STAM2: variants seen among roughly 807,000 people sequenced by gnomAD.
The protein encoded by STAM2 is signal transducing adaptor molecule 2.
A neutral mutation model predicts 65.6 loss-of-function variants in STAM2; 51 were observed. The observed-to-expected ratio is 0.78, with a 90% CI of 0.62 to 0.98. The LOEUF (loss-of-function observed/expected upper bound fraction) is 0.98, where lower values mean the gene tolerates loss of function less well. STAM2 is among the 50% of genes least tolerant of loss of function. STAM2 has a pLI of 0.00. For missense variants in STAM2, 584 were observed against 617.8 expected (o/e 0.95, Z 0.58); for synonymous variants, 198 against 208.4 (o/e 0.95, Z 0.43).
chr2:152,161,255 A>T (rs1447786524), intron 1 of STAM2, among the ~76,000 whole-genome samples: 1 of 151,264 alleles, frequency 6.6e-6, no homozygotes, highest in Non-Finnish European at 1.5e-5. Context: ...GAATGGATTA[A>T]GGGCGGTGCA....
intron 1 of STAM2, among the ~76,000 whole-genome samples, chr2:152,164,363 T>C (rs1437574397): frequency 5.3e-5 from 8 of 151,250 alleles, no homozygotes; most frequent in Non-Finnish European, 1.0e-4. Flanking sequence ...TTTTTTGAGA[T>C]GCAGTTTCAC....
rs1009323961 is a variant in STAM2, at chr2:152,117,375, T to C, written c.*3199A>G. On this transcript the variant is annotated 3_prime_UTR_variant, in exon 14 of 14. Transcript: ENST00000263904. ...GGGTCTTGCCATGTTGCCAGGTTGG[T>C]CTCAAACTCCTAGCCTCAAGCAATA... 6.6e-6 allele frequency: 1 copy of C among 152,056 alleles called. No homozygotes were observed. The highest frequency in any genetic ancestry group is 1.5e-5 in the Non-Finnish European group (1 of 68,022). 9.4% of individuals were successfully genotyped at this position (152,056 alleles called of 1,614,324 possible). A position where few individuals can be genotyped will look rare whatever the true frequency, so the allele number is the denominator to read the frequency against.
chr2:152,147,496 A>G (rs1689357485), intron 4 of STAM2, among the ~76,000 whole-genome samples, 188 bp from the exon 5 acceptor site: 1 of 152,220 alleles, frequency 6.6e-6, no homozygotes, highest in Admixed American at 6.5e-5. Flanking sequence ...TAGTTGTTTC[A>G]TACAAAATGA....
intron 1 of STAM2, among the ~76,000 whole-genome samples, chr2:152,169,974 A>G (rs1689870212): frequency 6.6e-6 from 1 of 151,756 alleles, no homozygotes; most frequent in African/African-American, 2.4e-5. Context: ...AGTAGCTGAG[A>G]TGACAGGCAT....
intron 7 of STAM2, 32 bp from the exon 8 acceptor site, chr2:152,135,635 TC>T: frequency 7.1e-7 from 1 of 1,404,004 alleles, no homozygotes; most frequent in Non-Finnish European, 1.0e-6. Flanking sequence ...TATCATTTGT[TC>T]CCCACATTTT....
rs1461737958 is a variant in STAM2 at position 152,119,062 on chromosome 2, T to A, written c.*1512A>T. 6.6e-6 allele frequency: 1 copy of A among 152,186 alleles called. No individual in the cohort carries two copies. The highest frequency in any genetic ancestry group is 1.5e-5 in the Non-Finnish European group (1 of 68,008). The allele number at this position is 152,186 out of a possible 1,614,324, so 9.4% of individuals were successfully genotyped here. On this transcript the variant is annotated 3_prime_UTR_variant, in exon 14 of 14. Transcript: ENST00000263904. Reference sequence around the variant, plus strand: ...GAGAACTAGCTTGAAATGGATTTAGTAGAAAGAATGACTGCTTCCTTTAAA... The same window carrying A: ...GAGAACTAGCTTGAAATGGATTTAGAAGAAAGAATGACTGCTTCCTTTAAA...
At chr2:152,136,763 G>T (rs1689163012) in intron 7 of STAM2, among the ~76,000 whole-genome samples, 1 of 152,102 alleles carries the variant, frequency 6.6e-6, no homozygotes, top group South Asian at 2.1e-4. Context: ...CATTTAGGTT[G>T]ATTCCAGTCT....
At chr2:152,138,984 A>T (rs1365530003) in intron 7 of STAM2, among the ~76,000 whole-genome samples, 2 of 152,162 alleles carry the variant, frequency 1.3e-5, no homozygotes, top group South Asian at 2.1e-4. Context: ...CACTACTACA[A>T]ACTCTTTGAT....
At chr2:152,162,463 C>A (rs1689699803) in intron 1 of STAM2, among the ~76,000 whole-genome samples, 1 of 152,054 alleles carries the variant, frequency 6.6e-6, no homozygotes, top group Non-Finnish European at 1.5e-5. Context: ...ACCTGTAGTT[C>A]TAGGTACTCA....
intron 7 of STAM2, among the ~76,000 whole-genome samples, chr2:152,139,402 C>T (rs1016834415): frequency 2.0e-5 from 3 of 152,134 alleles, no homozygotes; most frequent in African/African-American, 7.2e-5. Flanking sequence ...ACCATTTGTG[C>T]CCTCAAGAAG....
chr2:152,135,902 C>T (rs757078575), intron 7 of STAM2, among the ~76,000 whole-genome samples: 1 of 151,870 alleles, frequency 6.6e-6, no homozygotes, highest in East Asian at 1.9e-4. Context: ...TCAGCCTGTC[C>T]AACATGGTGA....
rs1688963565 is a variant in STAM2, at chr2:152,126,323, T to C, written c.1082A>G (p.Tyr361Cys). Residue 361 changes from tyrosine (Y) to cysteine (C), a missense_variant, in exon 12 of 14, where the codon TAT becomes TGT. Coordinates refer to ENST00000263904, the MANE Select transcript of STAM2 (RefSeq NM_005843.6). ...NVKVLEALEL[Y>C]NKLVNEAPVY... ...TGGTGCTTCATTCACCAATTTGTTA[T>C]ATAGTTCCAGAGCTTCCAGGACTTT... 11 of 1,605,284 alleles carry C rather than the reference T, an allele frequency of 6.9e-6. No homozygotes were observed. Among genetic ancestry groups the C allele is most frequent in the Non-Finnish European group, 7.7e-6 (9 of 1,175,708 alleles).
chr2:152,125,124 A>T (rs1464757580), intron 12 of STAM2, among the ~76,000 whole-genome samples: 4 of 152,202 alleles, frequency 2.6e-5, no homozygotes, highest in Non-Finnish European at 5.9e-5. Context: ...GCAAACATAA[A>T]GTTTTATCAT....
At chr2:152,133,118 T>C in intron 10 of STAM2, 55 bp downstream of exon 10, 1 of 955,426 alleles carries the variant, frequency 1.0e-6, no homozygotes, top group Non-Finnish European at 1.4e-6. Context: ...GAAGACATCA[T>C]GAATAGCTAA....
Position 152,147,309 on chromosome 2 carries a change from CT to C in STAM2, c.301-2del. 2.0e-6 allele frequency: 3 copies of C among 1,528,526 alleles called. No homozygotes were observed. The highest frequency in any genetic ancestry group is 1.3e-5 in the South Asian group (1 of 75,052). The allele number at this position is 1,528,526 out of a possible 1,614,324, so 94.7% of individuals were successfully genotyped here. Reference sequence around the variant, plus strand: ...GTTTTTCACATACTTTAGGATGTGCCTTTTAAGGAAAAGGAAAGGAAAATAA... The same window carrying C: ...GTTTTTCACATACTTTAGGATGTGCCTTTAAGGAAAAGGAAAGGAAAATAA... On this transcript the variant is annotated splice_acceptor_variant, in intron 4 of 13. Transcript: ENST00000263904. LOFTEE classifies it high-confidence loss of function.
chr2:152,148,360 A>C, intron 2 of STAM2, 60 bp from the exon 3 acceptor site: 1 of 1,324,632 alleles, frequency 7.5e-7, no homozygotes, highest in Non-Finnish European at 1.1e-6. Context: ...TAATTCAAAC[A>C]TTAAGGTATT....
intron 1 of STAM2, among the ~76,000 whole-genome samples, chr2:152,160,171 C>A (rs1178807551): frequency 1.3e-5 from 2 of 152,162 alleles, no homozygotes; most frequent in African/African-American, 2.4e-5. Flanking sequence ...AAGTGAGGAG[C>A]GTCTCTGCCT....
At chr2:152,142,282 G>A (rs1202368528) in intron 7 of STAM2, among the ~76,000 whole-genome samples, 1 of 152,136 alleles carries the variant, frequency 6.6e-6, no homozygotes, top group African/African-American at 2.4e-5. Flanking sequence ...ATTGTTTTGT[G>A]AGCAGTAATT....
chr2:152,153,709 G>C (rs1173695818), intron 1 of STAM2, among the ~76,000 whole-genome samples: 1 of 152,122 alleles, frequency 6.6e-6, no homozygotes, highest in Admixed American at 6.6e-5. Flanking sequence ...TATTGCTTTG[G>C]AAAGTCAGAG....
Sources: allele counts gnomAD v4.1 joint callset (sites outside exome capture counted in the v4.1 genomes callset), GRCh38; gene constraint gnomAD v4.1.1; transcripts MANE v1.5; gene names NCBI Gene and HGNC (gene_info 2026-07-23, HGNC 2026-07-21).